The following GUSB variants were observed in gnomAD, a reference collection of about 807,000 sequenced individuals.
GUSB encodes the protein glucuronidase beta, also known as beta-glucuronidase.
Under a neutral mutation model 74.6 loss-of-function variants are expected in GUSB, and 51 were observed. The observed-to-expected ratio is 0.68, with a 90% confidence interval of 0.55 to 0.86. The LOEUF is 0.86. Ranked by LOEUF, GUSB falls within the 40% of genes least tolerant of loss-of-function variation. GUSB has a pLI of 0.00. For synonymous variants in GUSB, 360 were observed against 348.3 expected, an observed-to-expected ratio of 1.03 and a Z score of -0.37; for missense variants, 736 against 853.7, an observed-to-expected ratio of 0.86 and a Z score of 1.72.
At position 65,982,112 on chromosome 7, in the gene GUSB, C is replaced by T; in HGVS notation, c.72G>A (p.Gln24=). The T allele has an allele frequency of 3.2e-6, 5 of 1,585,218 alleles. No individual in the cohort carries two copies. The highest frequency in any genetic ancestry group is 4.3e-6 in the Non-Finnish European group (5 of 1,166,772). ...TCTCCTGGGGGTACAGCATCCCGCC[C>T]TGCAGCCCCAGCGCGCAGCCCCACA... The part of the protein sequence containing the change: ...PLLWGCALGL[Q]GGMLYPQESP... Residue 24 remains glutamine (Q), a synonymous_variant, in exon 1 of 12, where the codon CAG becomes CAA. Coordinates refer to ENST00000304895, the MANE Select transcript of GUSB (RefSeq NM_000181.4).
chr7:65,967,987 G>C, intron 9 of GUSB, 80 bp from the exon 10 acceptor site: 2 of 1,180,004 alleles, frequency 1.7e-6, no homozygotes, highest in Non-Finnish European at 2.5e-6. Flanking sequence ...GGGCTCCTCT[G>C]GCAGAGAAGG....
intron 10 of GUSB, among the ~76,000 whole-genome samples, chr7:65,966,743 C>T (rs1440678852): frequency 1.3e-5 from 2 of 151,318 alleles, no homozygotes; most frequent in Non-Finnish European, 2.9e-5. Context: ...ATGATGACAC[C>T]ACTGCACTCC....
At chr7:65,974,492 G>A (rs1220104837) in intron 7 of GUSB, 34 bp downstream of exon 7, 3 of 1,614,070 alleles carry the variant, frequency 1.9e-6, no homozygotes, top group South Asian at 1.1e-5. Flanking sequence ...CCCCCGGGCT[G>A]GGCAGGCGGA....
chr7:65,962,764 C>T (rs1175640290), intron 11 of GUSB, among the ~76,000 whole-genome samples: 4 of 151,438 alleles, frequency 2.6e-5, no homozygotes, highest in African/African-American at 7.3e-5. Context: ...CCCAGTTAAT[C>T]GGGAGGCTGA....
In GUSB at chr7:65,967,869, G is replaced by A. The variant is rs746198220; in HGVS notation, c.1515C>T (p.Tyr505=). Residue 505 remains tyrosine (Y), a synonymous_variant, in exon 10 of 12, where the codon TAC becomes TAT. Transcript: ENST00000304895. ...GGTGCCCGTAGTCGTGATACCAAGA[G>A]TAGTAGCTGTTCAAACAGATCACAT... ...YVDVICLNSY[Y]SWYHDYGHLE... 12 of 1,604,090 alleles carry A rather than the reference G, an allele frequency of 7.5e-6. No homozygotes were observed. The highest frequency in any genetic ancestry group is 1.3e-5 in the African/African-American group (1 of 74,918).
At chr7:65,971,307 A>G (rs1470947251) in intron 8 of GUSB, among the ~76,000 whole-genome samples, 2 of 152,234 alleles carry the variant, frequency 1.3e-5, no homozygotes, top group African/African-American at 2.4e-5. Context: ...AGACGCATGC[A>G]GAGAAATGGT....
intron 1 of GUSB, chr7:65,980,739 G>A: frequency 2.5e-6 from 1 of 407,206 alleles, no homozygotes; most frequent in South Asian, 2.1e-5. Flanking sequence ...AGGGAGGAAG[G>A]CTGGTTGGAG....
At chr7:65,963,599 G>A (rs2115829411) in intron 11 of GUSB, among the ~76,000 whole-genome samples, 1 of 152,058 alleles carries the variant, frequency 6.6e-6, no homozygotes, top group Admixed American at 6.6e-5. Flanking sequence ...AGGCTCTTGT[G>A]CAGTGGTGCA....
chr7:65,972,081 G>A (rs748379823), intron 8 of GUSB, among the ~76,000 whole-genome samples: 18 of 152,048 alleles, frequency 1.2e-4, no homozygotes, highest in African/African-American at 4.3e-4. Context: ...CCCTTAGAAG[G>A]GAAGAAAAAC....
chr7:65,965,274 C>T (rs1370830554), intron 10 of GUSB, among the ~76,000 whole-genome samples: 2 of 151,696 alleles, frequency 1.3e-5, no homozygotes, highest in Non-Finnish European at 2.9e-5. Flanking sequence ...GGTGTGGTGG[C>T]GCACGCCTGC....
chr7:65,961,702 C>T (rs1159867093), intron 11 of GUSB, among the ~76,000 whole-genome samples: 1 of 152,076 alleles, frequency 6.6e-6, no homozygotes, highest in Non-Finnish European at 1.5e-5. Context: ...AAACCCGCCT[C>T]TATTAAAAAT....
chr7:65,969,150 G>A (rs999606932), intron 9 of GUSB, among the ~76,000 whole-genome samples: 2 of 152,170 alleles, frequency 1.3e-5, no homozygotes, highest in Admixed American at 6.5e-5. Context: ...GGAGGCCAAA[G>A]TGGGCAGATC....
At chr7:65,966,657 GC>G (rs1379445942) in intron 10 of GUSB, among the ~76,000 whole-genome samples, 2 of 152,154 alleles carry the variant, frequency 1.3e-5, no homozygotes, top group East Asian at 3.9e-4. Flanking sequence ...GGTGGTTCAT[GC>G]CTGTCGTCCC....
chr7:65,980,053 G>A, intron 2 of GUSB, 142 bp from the exon 3 acceptor site: 1 of 939,696 alleles, frequency 1.1e-6, no homozygotes, highest in Non-Finnish European at 1.6e-6. Flanking sequence ...TCCCAATGGG[G>A]TAGATCAGGC....
In GUSB at chr7:65,974,574, T is replaced by C. The variant is rs556424939; in HGVS notation, c.1196A>G (p.Tyr399Cys). 6 of 1,614,170 alleles carry C rather than the reference T, an allele frequency of 3.7e-6. No individual in the cohort carries two copies. In the South Asian group the frequency reaches 5.5e-5, roughly 15 times the overall value. ...AEEVMQMCDR[Y>C]GIVVIDECPG... ...ACACTCATCGATGACCACAATCCCA[T>C]AGCGGTCACACATCTGCATCACTTC... Residue 399 changes from tyrosine to cysteine, a missense_variant, in exon 7 of 12, where the codon TAT (tyrosine) becomes TGT (cysteine). By Grantham distance (194) the Tyr-to-Cys change is radical (BLOSUM62 -2). Transcript: ENST00000304895.
At chr7:65,964,245 T>G in intron 11 of GUSB, 78 bp downstream of exon 11, 1 of 1,242,778 alleles carries the variant, frequency 8.0e-7, no homozygotes, top group South Asian at 1.2e-5. Context: ...TTCTTACAAT[T>G]GAAATGGCCA....
rs756035101 is a variant in GUSB at position 65,960,966 on chromosome 7, A to C, written c.1887T>G (p.Ile629Met). 12 of 1,613,650 alleles carry C rather than the reference A, an allele frequency of 7.4e-6. No individual in the cohort carries two copies. Among genetic ancestry groups the C allele is most frequent in the Non-Finnish European group, 9.3e-6 (11 of 1,179,878 alleles). The change falls in exon 12 of 12, where the codon ATT becomes ATG. Residue 629 changes from isoleucine (I) to methionine (M), a missense_variant. Physicochemically the swap from Ile to Met is conservative, Grantham distance 10. Around this residue, in one of 2 missense-constraint regions of GUSB, gnomAD observed 368 missense variants for 489.9 expected, o/e 0.75. Transcript: ENST00000304895. Reference protein sequence around the residue: ...AFLLRERYWKIANETRYPHSV... With the variant: ...AFLLRERYWKMANETRYPHSV... Reference sequence around the variant, plus strand: ...AGTGGGGATACCTGGTTTCATTGGCAATCTTCCAGTATCTCTCTCGCAAAA... The same window carrying C: ...AGTGGGGATACCTGGTTTCATTGGCCATCTTCCAGTATCTCTCTCGCAAAA...
At chr7:65,979,667 G>A in intron 3 of GUSB, 60 bp downstream of exon 3, 3 of 1,592,516 alleles carry the variant, frequency 1.9e-6, no homozygotes, top group Non-Finnish European at 2.6e-6. Context: ...TCCCTACCAG[G>A]AAGACCACAG....
At chr7:65,978,344 A>G (rs1791730503) in intron 4 of GUSB, among the ~76,000 whole-genome samples, 1 of 152,078 alleles carries the variant, frequency 6.6e-6, no homozygotes. Flanking sequence ...GCTGCTCAGG[A>G]GGCTGAGGCA....
Sources: gnomAD v4.1 joint callset for allele counts (sites outside exome capture counted in the v4.1 genomes callset) on GRCh38, gnomAD v4.1.1 for gene constraint, gnomAD v4.1.1 regional missense constraint, MANE v1.5 for transcripts, NCBI Gene and HGNC (gene_info 2026-07-23, HGNC 2026-07-21) for gene names.